MYH3: variants seen among roughly 807,000 people sequenced by gnomAD.
The protein encoded by MYH3 is myosin-3.
In MYH3, 130 loss-of-function variants were observed where a neutral mutation model predicts 238.0. That is an observed-to-expected ratio of 0.55 (90% CI 0.47 to 0.63). MYH3 has a LOEUF of 0.63. Ranked by LOEUF, MYH3 falls within the 30% of genes least tolerant of loss-of-function variation. MYH3 has a pLI of 0.00. For missense variants in MYH3, 1,853 were observed against 2,374.9 expected, an observed-to-expected ratio of 0.78 and a Z score of 4.57; for synonymous variants, 880 against 924.1, an observed-to-expected ratio of 0.95 and a Z score of 0.86.
chr17:10,662,152 G>T (rs1403373692), upstream of MYH3, among the ~76,000 whole-genome samples: 2 of 151,942 alleles, frequency 1.3e-5, no homozygotes, highest in Non-Finnish European at 2.9e-5. Context: ...CTCCCAAGTA[G>T]CTGGGATTAG....
At chr17:10,645,634 T>G in intron 12 of MYH3, 73 bp downstream of exon 12, 1 of 1,586,652 alleles carries the variant, frequency 6.3e-7, no homozygotes, top group Admixed American at 1.7e-5. Context: ...GATTAATTGC[T>G]TTCAAAAGCA....
chr17:10,675,790 C>T, the MYH3 span: 13 of 152,110 alleles, frequency 8.5e-5, no homozygotes, highest in Admixed American at 8.5e-4. Context: ...TTAAACTGGT[C>T]CAACCTGAAT....
rs748683437 is a variant in MYH3, at chr17:10,639,813, AAAG to A, written c.2683-14_2683-12del. The stretch of plus-strand genomic sequence containing the variant: ...CAAATTTTCGCTTTCCTTAAAAAAA[AAAG>A]AATAATAACTTCGTTGAATGATATA... On this transcript the variant is annotated splice_polypyrimidine_tract_variant and intron_variant, in intron 22 of 40. Transcript: ENST00000583535. The A allele has an allele frequency of 7.1e-5, 115 of 1,613,964 alleles. No homozygotes were observed. The highest frequency in any genetic ancestry group is 9.2e-5 in the Non-Finnish European group (108 of 1,179,932).
rs6503316 is a variant in MYH3, at chr17:10,652,779, A to G, written c.205-216T>C. ...TGGGATTACAGGCGCCCGCCACCAC[A>G]CCCGGCTAATTTTTTTTATTTTTAG... is the stretch of plus-strand genomic sequence containing the variant. On this transcript the variant is annotated intron_variant, in intron 3 of 40. Transcript: ENST00000583535. Among the ~76,000 whole-genome samples, 114,485 of 151,424 alleles carry G rather than the reference A, an allele frequency of 0.76. 43,903 individuals are homozygous for G. Among genetic ancestry groups the G allele is most frequent in the Non-Finnish European group, 0.81 (55,188 of 67,834 alleles).
chr17:10,653,020 A>C (rs1164635905), intron 3 of MYH3, among the ~76,000 whole-genome samples: 3 of 152,096 alleles, frequency 2.0e-5, no homozygotes, highest in Non-Finnish European at 4.4e-5. Context: ...TCACAGCGAG[A>C]GGAGGAAAGG....
At chr17:10,633,965 C>T (rs1234510372) in intron 32 of MYH3, 52 bp downstream of exon 32, 4 of 1,591,354 alleles carry the variant, frequency 2.5e-6, no homozygotes, top group East Asian at 4.5e-5. Flanking sequence ...AGCATGCTCT[C>T]GAGCAATAGA....
intron 34 of MYH3, 93 bp downstream of exon 34, chr17:10,632,383 C>T (rs1048579905): frequency 1.1e-5 from 15 of 1,409,188 alleles, no homozygotes; most frequent in South Asian, 4.6e-5. Context: ...TCTCCCAGAG[C>T]GCTGGGACTA....
At chr17:10,663,121 TA>T in the MYH3 span, among the ~76,000 whole-genome samples, 2 of 146,818 alleles carry the variant, frequency 1.4e-5, no homozygotes, top group African/African-American at 5.1e-5. Context: ...TAAACTGAAA[TA>T]AAATAAAATA....
intron 36 of MYH3, among the ~76,000 whole-genome samples, chr17:10,630,754 G>A (rs1199103458): frequency 6.6e-6 from 1 of 152,154 alleles, no homozygotes; most frequent in Admixed American, 6.5e-5. Flanking sequence ...CGGAGGCTGA[G>A]GCAGGAGAGT....
At chr17:10,662,020 C>T (rs1179268723), upstream of MYH3, among the ~76,000 whole-genome samples, 23 of 151,536 alleles carry the variant, frequency 1.5e-4, no homozygotes, top group Non-Finnish European at 2.9e-5. Flanking sequence ...TTCTTTCTTT[C>T]TTTCTTTCTT....
At position 10,645,675 on chromosome 17, in the gene MYH3, C is replaced by T. The variant is rs2239934; in HGVS notation, c.1141+32G>A. The stretch of plus-strand genomic sequence containing the variant: ...AAGTGACCTCAGCAGATCAGCCACC[C>T]GCTCTGGTTTGCTGTCACACTGATT... On this transcript the variant is annotated intron_variant, in intron 12 of 40. Transcript: ENST00000583535. 0.67 allele frequency: 1,086,373 copies of T among 1,610,474 alleles called. 378,920 individuals carry two copies. The highest frequency in any genetic ancestry group is 0.73 in the Non-Finnish European group (860,280 of 1,179,266).
chr17:10,656,884 G>C (rs1363528626), intron 1 of MYH3, among the ~76,000 whole-genome samples: 1 of 152,192 alleles, frequency 6.6e-6, no homozygotes, highest in African/African-American at 2.4e-5. Flanking sequence ...TACAGCCCAG[G>C]TGGGGAAGGT....
At chr17:10,672,934 G>A in the MYH3 span, 2 of 152,082 alleles carry the variant, frequency 1.3e-5, 1 homozygote, top group African/African-American at 4.8e-5. Flanking sequence ...TCAAAAGAGA[G>A]TTGAAGTTTA....
chr17:10,660,817 C>T (rs1652266217), upstream of MYH3, among the ~76,000 whole-genome samples: 1 of 151,838 alleles, frequency 6.6e-6, no homozygotes, highest in Non-Finnish European at 1.5e-5. Flanking sequence ...CCTGTCTCTA[C>T]TAAAAAAAAA....
In MYH3 at chr17:10,652,321, A is replaced by G. The variant is rs1172680015; in HGVS notation, c.348+99T>C. On this transcript the variant is annotated intron_variant, in intron 4 of 40. Transcript: ENST00000583535. ...TTGTTCATCAGCTAGGCAAGCACTCATCTTCCAGAATCCCACGGCCCACAC... is the reference window on the plus strand; with the variant it reads ...TTGTTCATCAGCTAGGCAAGCACTCGTCTTCCAGAATCCCACGGCCCACAC... 2.8e-6 allele frequency: 4 copies of G among 1,434,440 alleles called. No homozygotes were observed. The African/African-American group carries it at 4.2e-5, about 15-fold the overall frequency. The allele number at this position is 1,434,440 out of a possible 1,614,324, so 88.9% of individuals were successfully genotyped here.
Position 10,654,809 on chromosome 17 carries a change from G to A in MYH3, c.204+52C>T, listed in dbSNP as rs971231717. On this transcript the variant is annotated intron_variant, in intron 3 of 40. Coordinates refer to ENST00000583535, the MANE Select transcript of MYH3 (RefSeq NM_002470.4). This position sits in a 1 kb window ranked among gnomAD's most constrained non-coding sequence, Gnocchi z 4.5. Reference sequence around the variant, plus strand: ...TTGGGCAGATGCATACCCCAGGCAAGCACAAGGACCAGGTGGAGGGCCAGC... The same window carrying A: ...TTGGGCAGATGCATACCCCAGGCAAACACAAGGACCAGGTGGAGGGCCAGC... 11 of 1,566,518 alleles carry A rather than the reference G, an allele frequency of 7.0e-6. No homozygotes were observed. The highest frequency in any genetic ancestry group is 3.3e-5 in the Admixed American group (2 of 59,958).
In MYH3 at chr17:10,639,597, G is replaced by T; in HGVS notation, c.2888C>A (p.Ala963Asp). 1 of 1,614,028 alleles carries T rather than the reference G, an allele frequency of 6.2e-7. No individual in the cohort carries two copies. The change falls in exon 23 of 41, where the codon GCC becomes GAC. Residue 963 changes from alanine (A) to aspartate (D), a missense_variant. By Grantham distance (126) the Ala-to-Asp change is moderately radical (BLOSUM62 -2). This residue lies in a region of MYH3 where 1,044 missense variants were observed against 1,192.6 expected (regional missense o/e 0.88). Coordinates refer to ENST00000583535, the MANE Select transcript of MYH3 (RefSeq NM_002470.4). ...GGCATGCTTCTCCTTCTCAACCTTG[G>T]CCAGGGTCAACTCAAGGTCATCAAT... The part of the protein sequence containing the change: ...KDIDDLELTL[A>D]KVEKEKHATE...
rs1010234405 is a variant in MYH3 at position 10,634,460 on chromosome 17, A to C, written c.4357-278T>G. 4.6e-5 allele frequency among the ~76,000 whole-genome samples: 7 copies of C among 152,204 alleles called. No homozygotes were observed. In the South Asian group the frequency reaches 1.0e-3, roughly 23 times the overall value. ...TTTCCTAATATAAAAAGGGCCCTGT[A>C]CTTCTAAATATTTCATTAAAGCATT... On this transcript the variant is annotated intron_variant, in intron 31 of 40. Coordinates refer to ENST00000583535, the MANE Select transcript of MYH3 (RefSeq NM_002470.4).
At chr17:10,638,809 C>G (rs1175666285) in intron 26 of MYH3, 64 bp downstream of exon 26, 1 of 1,519,278 alleles carries the variant, frequency 6.6e-7, no homozygotes, top group Non-Finnish European at 9.1e-7. Context: ...TGGCTTATAG[C>G]AGACAGCACC....
Sources: allele counts gnomAD v4.1 joint callset (sites outside exome capture counted in the v4.1 genomes callset), GRCh38; gene constraint gnomAD v4.1.1; regional missense constraint gnomAD v4.1.1; non-coding constraint Gnocchi (gnomAD v3.1); transcripts MANE v1.5; gene names NCBI Gene and HGNC (gene_info 2026-07-23, HGNC 2026-07-21).